Variants in ASIC2 observed in about 807,000 individuals in gnomAD.
The protein encoded by ASIC2 is acid sensing ion channel subunit 2.
Under a neutral mutation model 57.3 loss-of-function variants are expected in ASIC2, and 25 were observed. The ratio of observed to expected loss-of-function variants is 0.44; its 90% CI spans 0.32 to 0.61. The LOEUF (loss-of-function observed/expected upper bound fraction) is 0.61, where lower values mean the gene tolerates loss of function less well. ASIC2 is among the 20% of genes least tolerant of loss of function. The probability of loss-of-function intolerance (pLI) is 0.06; values close to 1 mark genes in which losing one functional copy is unlikely to be tolerated. For missense variants in ASIC2, 641 were observed against 738.1 expected, an observed-to-expected ratio of 0.87 and a Z score of 1.52; for synonymous variants, 319 against 307.5, an observed-to-expected ratio of 1.04 and a Z score of -0.39.
intron 1 of ASIC2, among the ~76,000 whole-genome samples, chr17:33,289,412 G>A (rs1318572310): frequency 6.6e-6 from 1 of 152,194 alleles, no homozygotes; most frequent in Admixed American, 6.5e-5. Context: ...ACAGGGACAT[G>A]TTGCCAAGAC....
At chr17:33,600,855 G>A (rs1332869818) in intron 1 of ASIC2, among the ~76,000 whole-genome samples, 1 of 152,124 alleles carries the variant, frequency 6.6e-6, no homozygotes, top group South Asian at 2.1e-4. Context: ...TTCTGAAGAG[G>A]TCTCAGACAG....
intron 1 of ASIC2, among the ~76,000 whole-genome samples, chr17:33,445,797 C>CAA (rs60125160): frequency 0.2 from 24,183 of 120,448 alleles, 2,687 homozygotes; most frequent in Non-Finnish European, 0.23. Flanking sequence ...AACTCCATCT[C>CAA]AAAAAAAAAA....
intron 1 of ASIC2, among the ~76,000 whole-genome samples, chr17:33,656,550 T>C (rs1382948056): frequency 6.6e-6 from 1 of 152,200 alleles, no homozygotes; most frequent in Non-Finnish European, 1.5e-5. Context: ...TCTCCAAACC[T>C]GCCTGAAAAC....
At chr17:33,913,897 A>G (rs1265554869) in intron 1 of ASIC2, among the ~76,000 whole-genome samples, 1 of 152,196 alleles carries the variant, frequency 6.6e-6, no homozygotes, top group African/African-American at 2.4e-5. Context: ...AATTTTCCCA[A>G]CAGTGCTGTG....
intron 1 of ASIC2, among the ~76,000 whole-genome samples, chr17:33,463,345 T>G (rs1504569): frequency 0.01 from 1,565 of 152,352 alleles, 25 homozygotes; most frequent in African/African-American, 0.035. Flanking sequence ...GCTATATAAC[T>G]GTCTTAATGC....
At chr17:33,528,996 G>A (rs1914970146) in intron 1 of ASIC2, among the ~76,000 whole-genome samples, 1 of 152,160 alleles carries the variant, frequency 6.6e-6, no homozygotes, top group Non-Finnish European at 1.5e-5. Context: ...TACAATATTG[G>A]AGGGAGTAAG....
chr17:33,182,931 C>A (rs549758515), intron 1 of ASIC2, among the ~76,000 whole-genome samples: 2 of 152,282 alleles, frequency 1.3e-5, no homozygotes, highest in African/African-American at 4.8e-5. Context: ...GAATAATGTT[C>A]CATATTGGAT....
rs12948231 is a variant in ASIC2, at chr17:33,885,218, C to A, written c.555+270760G>T. Among the ~76,000 whole-genome samples, 405 of 152,254 alleles carry A rather than the reference C, an allele frequency of 2.7e-3. 1 individual carries two copies. The highest frequency in any genetic ancestry group is 9.3e-3 in the African/African-American group (387 of 41,542). On this transcript the variant is annotated intron_variant, in intron 1 of 9. Transcript: ENST00000359872. ...TGTGTATGTAAATAAATTACTGGACCTCTCAAAGTCTATACTTTTCCGCTG... is the reference window on the plus strand; with the variant it reads ...TGTGTATGTAAATAAATTACTGGACATCTCAAAGTCTATACTTTTCCGCTG...
intron 1 of ASIC2, chr17:33,792,586 A>G (rs1911805448): frequency 6.6e-6 from 1 of 152,206 alleles, no homozygotes; most frequent in African/African-American, 2.4e-5. Flanking sequence ...CAAAATTTGA[A>G]AACTGTCACA....
intron 1 of ASIC2, among the ~76,000 whole-genome samples, chr17:33,963,582 A>G (rs542181614): frequency 6.6e-6 from 1 of 152,274 alleles, no homozygotes; most frequent in Non-Finnish European, 1.5e-5. Context: ...TACTTCACAC[A>G]TAACAGGTGC....
intron 1 of ASIC2, among the ~76,000 whole-genome samples, chr17:34,120,722 C>CTTTTTTTTTTTTT (rs142959293): frequency 4.2e-5 from 4 of 94,626 alleles, no homozygotes; most frequent in Non-Finnish European, 5.9e-5. Context: ...TGGGGTCCTT[C>CTTTTTTTTTTTTT]TTTTTTTTTT....
intron 1 of ASIC2, among the ~76,000 whole-genome samples, chr17:33,186,167 ATGGCTTGATCT>A (rs1324838471): frequency 1.3e-5 from 2 of 151,938 alleles, no homozygotes; most frequent in Non-Finnish European, 2.9e-5. Flanking sequence ...CTGGAGTGCA[ATGGCTTGATCT>A]TGGCCAACTG....
intron 1 of ASIC2, among the ~76,000 whole-genome samples, chr17:33,121,760 C>T (rs1486415753): frequency 6.6e-6 from 1 of 151,940 alleles, no homozygotes; most frequent in Non-Finnish European, 1.5e-5. Flanking sequence ...TGCATACCTA[C>T]TACATGCCAG....
At chr17:33,791,336 C>T (rs533575457) in intron 1 of ASIC2, among the ~76,000 whole-genome samples, 50 of 152,234 alleles carry the variant, frequency 3.3e-4, no homozygotes, top group African/African-American at 1.2e-3. Context: ...CAAATTGAAG[C>T]CCTGCAGAGA....
intron 1 of ASIC2, among the ~76,000 whole-genome samples, chr17:33,482,869 A>T (rs1913452132): frequency 6.6e-6 from 1 of 152,250 alleles, no homozygotes; most frequent in Admixed American, 6.5e-5. Context: ...GATTGAACAG[A>T]TGGTGGAAAC....
chr17:33,408,748 CT>C (rs772487660), intron 1 of ASIC2, among the ~76,000 whole-genome samples: 1 of 152,178 alleles, frequency 6.6e-6, no homozygotes, highest in Non-Finnish European at 1.5e-5. Flanking sequence ...CCAATCTGAT[CT>C]TTGCAAAACA....
chr17:33,025,911 C>T lies in ASIC2; in HGVS notation c.1195+15G>A, dbSNP rs750318758. 1.3e-6 allele frequency: 2 copies of T among 1,598,610 alleles called. No individual in the cohort carries two copies. Among genetic ancestry groups the T allele is most frequent in the Non-Finnish European group, 1.7e-6 (2 of 1,173,630 alleles). ...CCCCGGCCCCCATGATTCCATCTGT[C>T]CCCTGAGTACTGACCTAGGGCAGGC... On this transcript the variant is annotated intron_variant, in intron 5 of 9. Coordinates refer to ENST00000225823, the MANE Select transcript of ASIC2 (RefSeq NM_183377.2).
At chr17:33,440,054 C>T (rs1911770548) in intron 1 of ASIC2, among the ~76,000 whole-genome samples, 1 of 152,202 alleles carries the variant, frequency 6.6e-6, no homozygotes. Flanking sequence ...TGTAAATGCA[C>T]AGTTCAATGA....
At chr17:33,225,415 G>T (rs1907840274) in intron 1 of ASIC2, among the ~76,000 whole-genome samples, 1 of 152,220 alleles carries the variant, frequency 6.6e-6, no homozygotes, top group African/African-American at 2.4e-5. Context: ...CAGGGTTATT[G>T]CAAGGATTAG....
Sources: allele counts gnomAD v4.1 joint callset (sites outside exome capture counted in the v4.1 genomes callset), GRCh38; gene constraint gnomAD v4.1.1; transcripts MANE v1.5; gene names NCBI Gene and HGNC (gene_info 2026-07-23, HGNC 2026-07-21).